Variants in RRN3 observed in about 807,000 individuals in gnomAD.
The protein encoded by RRN3 is RNA polymerase I transcription factor RRN3, also known as RNA polymerase I-specific transcription initiation factor RRN3.
Under a neutral mutation model 82.3 loss-of-function variants are expected in RRN3, and 38 were observed. That is an observed-to-expected ratio of 0.46 (90% CI 0.36 to 0.61). RRN3 has a LOEUF of 0.61. Ranked by LOEUF, RRN3 falls within the 20% of genes least tolerant of loss-of-function variation. RRN3 has a pLI of 0.00. For synonymous variants in RRN3, 284 were observed against 284.3 expected (o/e 1.00, Z 0.01); for missense variants, 726 against 793.1 (o/e 0.92, Z 1.02).
rs1258767704 is a variant in RRN3, at chr16:15,060,209, A to G, written c.*1535T>C. 5.1e-6 allele frequency: 2 copies of G among 392,016 alleles called. No individual in the cohort carries two copies. Among genetic ancestry groups the G allele is most frequent in the Non-Finnish European group, 1.0e-5 (2 of 198,616 alleles). 24.3% of individuals were successfully genotyped at this position (392,016 alleles called of 1,614,324 possible). A position where few individuals can be genotyped will look rare whatever the true frequency, so the allele number is the denominator to read the frequency against. Reference sequence around the variant, plus strand: ...ACCCACAAAGACCCCACTTACTACTAATTTCTGGGGAATTTCGTTTACTCG... The same window carrying G: ...ACCCACAAAGACCCCACTTACTACTGATTTCTGGGGAATTTCGTTTACTCG... On this transcript the variant is annotated 3_prime_UTR_variant, in exon 18 of 18. Coordinates refer to ENST00000198767, the MANE Select transcript of RRN3 (RefSeq NM_018427.5).
At chr16:15,071,940 A>C (rs976973319) in intron 12 of RRN3, among the ~76,000 whole-genome samples, 1 of 152,096 alleles carries the variant, frequency 6.6e-6, no homozygotes, top group Non-Finnish European at 1.5e-5. Flanking sequence ...CCACATGGGC[A>C]CTCCTGTGAG....
chr16:15,083,783 C>G (rs1478622398), intron 7 of RRN3: 2 of 574,560 alleles, frequency 3.5e-6, no homozygotes, highest in South Asian at 2.1e-5. Context: ...GTGGCGCAAT[C>G]TCAGCTCACT....
intron 3 of RRN3, among the ~76,000 whole-genome samples, chr16:15,087,335 G>C (rs1407115322): frequency 1.3e-5 from 2 of 152,114 alleles, no homozygotes; most frequent in Non-Finnish European, 2.9e-5. Flanking sequence ...AAGATGTTTA[G>C]TTATTCCCAT....
At chr16:15,083,753 G>A (rs935244802) in intron 7 of RRN3, 171 bp from the exon 8 acceptor site, 46 of 828,488 alleles carry the variant, frequency 5.6e-5, no homozygotes, top group Non-Finnish European at 7.5e-5. Flanking sequence ...TTTCGCTCTT[G>A]TTGCCCAGGC....
chr16:15,084,831 C>T (rs8061051), intron 6 of RRN3, 126 bp from the exon 7 acceptor site: 6 of 696,616 alleles, frequency 8.6e-6, no homozygotes, highest in South Asian at 6.2e-5. Context: ...TTTGGGAGGC[C>T]GAGGTGGGTG....
Position 15,071,281 on chromosome 16 carries a change from T to G in RRN3, c.1129-30A>C, listed in dbSNP as rs776033397. The G allele has an allele frequency of 1.9e-6, 3 of 1,571,362 alleles. No homozygotes were observed. In the East Asian group the frequency reaches 6.8e-5, roughly 36 times the overall value. On this transcript the variant is annotated intron_variant, in intron 12 of 17. Coordinates refer to ENST00000198767, the MANE Select transcript of RRN3 (RefSeq NM_018427.5). ...AAAAAGAGAGGGCGTCGGTGTGATC[T>G]TTTTTAATGCCTAAGATAATCTGGC...
intron 8 of RRN3, among the ~76,000 whole-genome samples, chr16:15,082,862 T>C (rs1283498016): frequency 1.3e-5 from 2 of 152,204 alleles, no homozygotes; most frequent in Non-Finnish European, 2.9e-5. Context: ...TGGAAGGCTT[T>C]GTCTTCAGGT....
intron 1 of RRN3, among the ~76,000 whole-genome samples, chr16:15,092,864 C>T (rs141501476): frequency 0.056 from 8,496 of 152,234 alleles, 389 homozygotes; most frequent in African/African-American, 0.12. Context: ...CTGGCCCCTG[C>T]CTACCTCTCT....
intron 17 of RRN3, 39 bp from the exon 18 acceptor site, chr16:15,061,944 G>A (rs767749533): frequency 5.7e-6 from 9 of 1,566,980 alleles, no homozygotes; most frequent in Non-Finnish European, 7.9e-6. Context: ...CATCACCAGT[G>A]CTGACTGAAA....
At chr16:15,064,509 A>G (rs1257890667) in intron 16 of RRN3, among the ~76,000 whole-genome samples, 1 of 152,190 alleles carries the variant, frequency 6.6e-6, no homozygotes, top group South Asian at 2.1e-4. Flanking sequence ...GTGCAACAGA[A>G]TGGTATGTGG....
At chr16:15,074,998 C>A in intron 10 of RRN3, 137 bp from the exon 11 acceptor site, 1 of 870,074 alleles carries the variant, frequency 1.1e-6, no homozygotes, top group Non-Finnish European at 1.7e-6. Flanking sequence ...ATCTATAAGC[C>A]CAGCACTTTG....
rs753543324 is a variant in RRN3 at position 15,071,252 on chromosome 16, CT to C, written c.1129-2del. 5 of 1,602,552 alleles carry C rather than the reference CT, an allele frequency of 3.1e-6. No individual in the cohort carries two copies. In the African/African-American group the frequency reaches 6.7e-5, roughly 22 times the overall value. Reference sequence around the variant, plus strand: ...GTTCCAAAAATGCCTCTGCGAATCCCTATAAAAAGAGAGGGCGTCGGTGTGA... The same window carrying C: ...GTTCCAAAAATGCCTCTGCGAATCCCATAAAAAGAGAGGGCGTCGGTGTGA... On this transcript the variant is annotated splice_acceptor_variant, in intron 12 of 17. Coordinates refer to ENST00000198767, the MANE Select transcript of RRN3 (RefSeq NM_018427.5). LOFTEE classifies it high-confidence loss of function.
rs1567225703 is a variant in RRN3, at chr16:15,089,753, TTG to T, written c.252+1560_252+1561del. On this transcript the variant is annotated intron_variant, in intron 3 of 17. Coordinates refer to ENST00000198767, the MANE Select transcript of RRN3 (RefSeq NM_018427.5). The stretch of plus-strand genomic sequence containing the variant: ...AGGCGGAGCTTGCAGTGAGCCAAGA[TTG>T]CGCCACTGCACTCCAGCCTGGGCGA... Among the ~76,000 whole-genome samples, 8 of 126,618 alleles carry T rather than the reference TTG, an allele frequency of 6.3e-5. No homozygotes were observed. The East Asian group carries it at 1.6e-3, about 26-fold the overall frequency. 83.1% of individuals were successfully genotyped at this position (126,618 alleles called of 152,430 possible).
At chr16:15,069,754 T>C (rs999194755) in intron 14 of RRN3, among the ~76,000 whole-genome samples, 2 of 152,196 alleles carry the variant, frequency 1.3e-5, no homozygotes, top group African/African-American at 4.8e-5. Flanking sequence ...ACTGAAGCTT[T>C]GTACAGGGCG....
At chr16:15,081,009 TAC>T (rs535159115) in intron 8 of RRN3, among the ~76,000 whole-genome samples, 69 of 152,320 alleles carry the variant, frequency 4.5e-4, no homozygotes, top group South Asian at 2.7e-3. Context: ...AGTCATATAA[TAC>T]ACAGTCTTTT....
Position 15,066,546 on chromosome 16 carries a change from C to G in RRN3, c.1554-1175G>C, listed in dbSNP as rs1007438721. ...TATTCGGGAGGCTGAGGCAGGAGAA[C>G]TGCATGAGCCTCGGAGGTGGTGGTT... is the stretch of plus-strand genomic sequence containing the variant. On this transcript the variant is annotated intron_variant, in intron 15 of 17. Coordinates refer to ENST00000198767, the MANE Select transcript of RRN3 (RefSeq NM_018427.5). Among the ~76,000 whole-genome samples the G allele has an allele frequency of 1.6e-4, 25 of 151,738 alleles. No individual in the cohort carries two copies. In the Middle Eastern group the frequency reaches 0.017, roughly 103 times the overall value.
intron 1 of RRN3, among the ~76,000 whole-genome samples, chr16:15,093,021 T>G (rs2046198826): frequency 1.3e-5 from 2 of 152,180 alleles, no homozygotes; most frequent in Non-Finnish European, 2.9e-5. Context: ...TTTTTTTTTT[T>G]GAGATGGAGT....
At chr16:15,090,071 A>G (rs1454051561) in intron 3 of RRN3, among the ~76,000 whole-genome samples, 1 of 148,644 alleles carries the variant, frequency 6.7e-6, no homozygotes, top group East Asian at 2.1e-4. Flanking sequence ...TTAACCAGGC[A>G]TGGTGGCGGG....
chr16:15,087,472 C>A (rs567427057), intron 3 of RRN3, among the ~76,000 whole-genome samples: 2 of 152,216 alleles, frequency 1.3e-5, no homozygotes, highest in Non-Finnish European at 2.9e-5. Flanking sequence ...CCGTCCCACA[C>A]GCCTCCCTAT....
Sources: allele counts gnomAD v4.1 joint callset (sites outside exome capture counted in the v4.1 genomes callset), GRCh38; gene constraint gnomAD v4.1.1; transcripts MANE v1.5; gene names NCBI Gene and HGNC (gene_info 2026-07-23, HGNC 2026-07-21).